VPS53: variants seen among roughly 807,000 people sequenced by gnomAD.
VPS53 encodes the protein VPS53 subunit of GARP complex, also known as vacuolar protein sorting-associated protein 53 homolog.
VPS53 carries 70 observed loss-of-function variants against 107.0 expected under a neutral mutation model. The ratio of observed to expected loss-of-function variants is 0.65; its 90% confidence interval spans 0.54 to 0.80. The LOEUF (loss-of-function observed/expected upper bound fraction) is 0.80, where lower values mean the gene tolerates loss of function less well. VPS53 is among the 30% of genes least tolerant of loss of function. The pLI, the probability that VPS53 is intolerant of heterozygous loss-of-function variation, is 0.00. For synonymous variants in VPS53, 409 were observed against 393.3 expected (o/e 1.04, Z -0.47); for missense variants, 917 against 1,049.4 (o/e 0.87, Z 1.74).
chr17:649,614 G>A (rs1013776428), intron 7 of VPS53, among the ~76,000 whole-genome samples: 2 of 150,122 alleles, frequency 1.3e-5, no homozygotes, highest in African/African-American at 4.9e-5. Context: ...GAGGACAGAG[G>A]AATGGAACAG....
At chr17:561,792 G>A (rs1220346206) in intron 14 of VPS53, among the ~76,000 whole-genome samples, 1 of 152,098 alleles carries the variant, frequency 6.6e-6, no homozygotes, top group Admixed American at 6.6e-5. Context: ...ACCACACCCA[G>A]CTGATTTTTG....
rs556037810 is a variant in VPS53, at chr17:640,499, G to A, written c.609-8871C>T. On this transcript the variant is annotated intron_variant, in intron 7 of 21. Coordinates refer to ENST00000437048, the MANE Select transcript of VPS53 (RefSeq NM_001128159.3). ...CCCGTCTTCTGCGTCGTTCAAGCTG[G>A]GAGCTGTAGACTAGAGCTGTTCCTA... Among the ~76,000 whole-genome samples the A allele has an allele frequency of 3.3e-5, 5 of 152,172 alleles. No individual in the cohort carries two copies. In the South Asian group the frequency reaches 1.0e-3, roughly 32 times the overall value.
At chr17:530,211 G>T (rs1909433278) in intron 19 of VPS53, among the ~76,000 whole-genome samples, 1 of 145,192 alleles carries the variant, frequency 6.9e-6, no homozygotes, top group Non-Finnish European at 1.5e-5. Context: ...CGCAATCTCA[G>T]CTCACTGCAA....
chr17:654,826 G>A (rs950777769), intron 6 of VPS53, among the ~76,000 whole-genome samples: 3 of 151,468 alleles, frequency 2.0e-5, no homozygotes, highest in Admixed American at 6.6e-5. Flanking sequence ...TTTTACCACC[G>A]CCTGGTCTTA....
At chr17:593,063 A>G (rs965982000) in intron 12 of VPS53, among the ~76,000 whole-genome samples, 3 of 152,160 alleles carry the variant, frequency 2.0e-5, no homozygotes, top group African/African-American at 7.2e-5. Context: ...TGGGGAAAGG[A>G]TTCCCTATTT....
chr17:567,504 C>CTT (rs56006720), intron 13 of VPS53, among the ~76,000 whole-genome samples: 5 of 145,200 alleles, frequency 3.4e-5, no homozygotes, highest in East Asian at 2.0e-4. Context: ...GATCACATTT[C>CTT]TTTTTTTTTT....
At chr17:668,536 T>C (rs1971796732) in intron 4 of VPS53, among the ~76,000 whole-genome samples, 1 of 152,152 alleles carries the variant, frequency 6.6e-6, no homozygotes, top group African/African-American at 2.4e-5. Flanking sequence ...ATGGGATCAG[T>C]AAATTCTAAA....
At chr17:588,307 A>T (rs181898623) in intron 12 of VPS53, among the ~76,000 whole-genome samples, 1 of 151,558 alleles carries the variant, frequency 6.6e-6, no homozygotes, top group African/African-American at 2.4e-5. Flanking sequence ...ACAGAGTGAG[A>T]CTCCATTTCA....
At chr17:643,517 CAACTGAGGACAACACTCATACTTGGA>C (rs1567701733) in intron 7 of VPS53, among the ~76,000 whole-genome samples, 11 of 91,890 alleles carry the variant, frequency 1.2e-4, no homozygotes, top group Non-Finnish European at 1.9e-4. Flanking sequence ...TCATACTTGG[CAACTGAGGACAACACTCATACTTGGA>C]AACCGAGGAC....
chr17:670,273 T>A (rs563879157), intron 4 of VPS53, among the ~76,000 whole-genome samples: 1 of 152,312 alleles, frequency 6.6e-6, no homozygotes, highest in African/African-American at 2.4e-5. Context: ...GACGGTGTTA[T>A]AAAGCGGTGA....
intron 7 of VPS53, chr17:632,940 G>A: frequency 2.7e-6 from 1 of 371,964 alleles, no homozygotes; most frequent in South Asian, 2.1e-5. Context: ...GTGACAAAAT[G>A]AACTGCTAAA....
chr17:711,330 A>G (rs1056270284), intron 1 of VPS53, among the ~76,000 whole-genome samples: 3 of 152,260 alleles, frequency 2.0e-5, no homozygotes, highest in African/African-American at 7.2e-5. Flanking sequence ...CCAGCTTGAT[A>G]GAGTTACAAC....
chr17:708,097 G>A (rs1173470354), intron 2 of VPS53, among the ~76,000 whole-genome samples: 2 of 152,226 alleles, frequency 1.3e-5, no homozygotes, highest in East Asian at 1.9e-4. Flanking sequence ...TTTTCTCTTC[G>A]TGTGCGGAGA....
chr17:601,922 A>G lies in VPS53; in HGVS notation c.1117-26T>C, dbSNP rs4968055. On this transcript the variant is annotated intron_variant, in intron 11 of 21. Coordinates refer to ENST00000437048, the MANE Select transcript of VPS53 (RefSeq NM_001128159.3). ...CTGTTAGGTAGATATGAGAAAGAGAAGTGTTTTCTGAGCATATTCAATAGC... is the reference window on the plus strand; with the variant it reads ...CTGTTAGGTAGATATGAGAAAGAGAGGTGTTTTCTGAGCATATTCAATAGC... The G allele has an allele frequency of 0.97, 1,475,390 of 1,513,404 alleles. 719,350 individuals are homozygous for G. Among genetic ancestry groups the G allele is most frequent in the East Asian group, 0.99 (41,150 of 41,726 alleles). 93.7% of individuals were successfully genotyped at this position (1,513,404 alleles called of 1,614,324 possible). A position where few individuals can be genotyped will look rare whatever the true frequency, so the allele number is the denominator to read the frequency against.
intron 17 of VPS53, among the ~76,000 whole-genome samples, chr17:548,737 A>G (rs1911530034): frequency 6.6e-6 from 1 of 152,238 alleles, no homozygotes; most frequent in African/African-American, 2.4e-5. Flanking sequence ...CTGTCAGTCC[A>G]AGTACAGGAG....
At chr17:532,778 A>G (rs777477363) in intron 19 of VPS53, 64 bp downstream of exon 19, 3 of 1,597,438 alleles carry the variant, frequency 1.9e-6, no homozygotes, top group Admixed American at 1.7e-5. Flanking sequence ...CTGGACTAGA[A>G]GAATATGTGC....
At chr17:547,991 G>C (rs1031346262) in intron 17 of VPS53, among the ~76,000 whole-genome samples, 9 of 152,160 alleles carry the variant, frequency 5.9e-5, no homozygotes, top group Non-Finnish European at 1.3e-4. Context: ...ACAGACATTT[G>C]AACTTGATCT....
chr17:593,636 G>A (rs944107513), intron 12 of VPS53, among the ~76,000 whole-genome samples: 57 of 152,282 alleles, frequency 3.7e-4, no homozygotes, highest in African/African-American at 5.8e-4. Context: ...TTAGAATGGC[G>A]ATCATTAAAA....
chr17:681,171 C>G (rs190785023), intron 4 of VPS53, among the ~76,000 whole-genome samples: 1 of 152,246 alleles, frequency 6.6e-6, no homozygotes, highest in Non-Finnish European at 1.5e-5. Flanking sequence ...GAATATTGCT[C>G]TGTTGCCCAG....
Sources: gnomAD v4.1 joint callset for allele counts (sites outside exome capture counted in the v4.1 genomes callset) on GRCh38, gnomAD v4.1.1 for gene constraint, MANE v1.5 for transcripts, NCBI Gene and HGNC (gene_info 2026-07-23, HGNC 2026-07-21) for gene names.